The following CHERP variants were observed in gnomAD, a reference collection of about 807,000 sequenced individuals.
The protein encoded by CHERP is ERPROT 213-21.
CHERP carries 8 observed loss-of-function variants against 113.8 expected under a neutral mutation model. That is an observed-to-expected ratio of 0.07 (90% CI 0.04 to 0.13). CHERP has a LOEUF of 0.13. Among genes scored for constraint, CHERP ranks in the 10% least tolerant of loss-of-function variants. The pLI is 1.00. For synonymous variants in CHERP, 559 were observed against 524.5 expected, an observed-to-expected ratio of 1.07 and a Z score of -0.90; for missense variants, 884 against 1,298.2, an observed-to-expected ratio of 0.68 and a Z score of 4.90.
chr19:16,528,053 GCT>G, intron 9 of CHERP, 25 bp downstream of exon 9: 1 of 1,610,166 alleles, frequency 6.2e-7, no homozygotes, highest in Non-Finnish European at 8.5e-7. Flanking sequence ...TGCCCCATCT[GCT>G]CCCACCCCAG....
rs2085604251 is a variant in CHERP, at chr19:16,520,652, CTAAA to C, written c.2202-149_2202-146del. 5 of 1,180,868 alleles carry C rather than the reference CTAAA, an allele frequency of 4.2e-6. No homozygotes were observed. The highest frequency in any genetic ancestry group is 3.9e-5 in the Admixed American group (2 of 51,336). The allele number at this position is 1,180,868 out of a possible 1,614,324, so 73.1% of individuals were successfully genotyped here. A position where few individuals can be genotyped will look rare whatever the true frequency, so the allele number is the denominator to read the frequency against. On this transcript the variant is annotated intron_variant, in intron 13 of 16. Coordinates refer to ENST00000546361, the MANE Select transcript of CHERP (RefSeq NM_006387.6). The surrounding 1 kb of genome is among the most constrained non-coding windows in gnomAD (Gnocchi z 4.0). Reference sequence around the variant, plus strand: ...TAGCCACAGCAACGGTACCAAGTTCCTAAATAGTGTGGCCGAGCCTGCTGCTGTG... The same window carrying C: ...TAGCCACAGCAACGGTACCAAGTTCCTAGTGTGGCCGAGCCTGCTGCTGTG...
chr19:16,542,367 C>T lies in CHERP; in HGVS notation c.12G>A (p.Pro4=), dbSNP rs1022445204. MEM[P]LPPDDQELRN... is the part of the protein sequence containing the mutation. ...TTTGGGTCTCACCATCGGGGGGCAG[C>T]GGCATCTCCATGGCTCCGGCCGCGG... is the stretch of plus-strand genomic sequence containing the variant. The change falls in exon 1 of 17, where the codon CCG becomes CCA. Residue 4 remains proline, a synonymous_variant. Coordinates refer to ENST00000546361, the MANE Select transcript of CHERP (RefSeq NM_006387.6). 7.2e-7 allele frequency: 1 copy of T among 1,389,732 alleles called. No individual in the cohort carries two copies. Among genetic ancestry groups the T allele is most frequent in the Non-Finnish European group, 9.4e-7 (1 of 1,065,176 alleles). The allele number at this position is 1,389,732 out of a possible 1,614,324, so 86.1% of individuals were successfully genotyped here.
chr19:16,540,450 G>A (rs113012794), intron 2 of CHERP, among the ~76,000 whole-genome samples: 113 of 149,904 alleles, frequency 7.5e-4, no homozygotes, highest in African/African-American at 2.7e-3. Context: ...TCGGCTCAAT[G>A]CAACCTCCAG....
chr19:16,534,986 G>C (rs2085731383), intron 3 of CHERP, among the ~76,000 whole-genome samples: 1 of 152,044 alleles, frequency 6.6e-6, no homozygotes, highest in Non-Finnish European at 1.5e-5. Context: ...TGAGGCAGGA[G>C]AATCGTTTGA....
At chr19:16,542,263 C>T (rs919776362) in intron 1 of CHERP, 91 bp downstream of exon 1, 5 of 1,231,620 alleles carry the variant, frequency 4.1e-6, no homozygotes, top group Non-Finnish European at 5.4e-6. Flanking sequence ...AGCCCCGCCC[C>T]CTCCCAGACC....
rs1341558172 is a variant in CHERP at position 16,532,941 on chromosome 19, G to A, written c.522+70C>T. 36 of 1,540,148 alleles carry A rather than the reference G, an allele frequency of 2.3e-5. No homozygotes were observed. The highest frequency in any genetic ancestry group is 2.7e-5 in the Non-Finnish European group (31 of 1,139,338). On this transcript the variant is annotated intron_variant, in intron 4 of 16. Coordinates refer to ENST00000546361, the MANE Select transcript of CHERP (RefSeq NM_006387.6). The surrounding 1 kb of genome is among the most constrained non-coding windows in gnomAD (Gnocchi z 4.4). ...ATTGTAACAGCCCTTAGCCCAGATT[G>A]GCTACGACAGGCCCTGCCTCAGGGA...
chr19:16,539,515 C>T (rs376438099), intron 2 of CHERP, among the ~76,000 whole-genome samples: 5 of 152,084 alleles, frequency 3.3e-5, no homozygotes. Context: ...TAAGCACATA[C>T]AATATTTTGC....
At position 16,525,485 on chromosome 19, in the gene CHERP, G is replaced by GCTGGCTGTTCCAGGGGCCCTCGAA. The variant is rs1455252180; in HGVS notation, c.1474_1497dup (p.Phe492_Gln499dup). 2 of 1,553,518 alleles carry GCTGGCTGTTCCAGGGGCCCTCGAA rather than the reference G, an allele frequency of 1.3e-6. No individual in the cohort carries two copies. The highest frequency in any genetic ancestry group is 1.7e-6 in the Non-Finnish European group (2 of 1,150,470). On this transcript the variant is annotated inframe_insertion, in exon 10 of 17. Transcript: ENST00000546361. The surrounding 1 kb of genome is among the most constrained non-coding windows in gnomAD (Gnocchi z 6.5). Reference sequence around the variant, plus strand: ...CCCCCGCCCCAGGGCGGCTGCTCGTGCTGGCTGTTCCAGGGGCCCTCGAAC... The same window carrying GCTGGCTGTTCCAGGGGCCCTCGAA: ...CCCCCGCCCCAGGGCGGCTGCTCGTGCTGGCTGTTCCAGGGGCCCTCGAACTGGCTGTTCCAGGGGCCCTCGAAC...
chr19:16,530,635 A>C lies in CHERP; in HGVS notation c.826T>G (p.Ser276Ala). 6.2e-7 allele frequency: 1 copy of C among 1,613,968 alleles called. No individual in the cohort carries two copies. The highest frequency in any genetic ancestry group is 8.5e-7 in the Non-Finnish European group (1 of 1,179,910). The change falls in exon 7 of 17, where the codon TCC becomes GCC. Residue 276 changes from serine to alanine, a missense_variant. This residue lies in a region of CHERP where 73 missense variants were observed against 182.4 expected (regional missense o/e 0.40). Transcript: ENST00000546361. This position sits in a 1 kb window ranked among gnomAD's most constrained non-coding sequence, Gnocchi z 4.1. The part of the protein sequence containing the change: ...LWEKNGYFDD[S>A]IIQQLQSPAL... ...GGGCTCTGTAGCTGCTGAATGATGG[A>C]GTCATCGAAGTAGCCGTTTTTCTCC...
intron 3 of CHERP, among the ~76,000 whole-genome samples, chr19:16,534,890 A>G (rs2085730698): frequency 6.6e-6 from 1 of 151,998 alleles, no homozygotes; most frequent in African/African-American, 2.4e-5. Context: ...AGCCTGGCCA[A>G]CCTGGTGAAA....
chr19:16,542,353 C>G lies in CHERP; in HGVS notation c.25+1G>C. ...GGTCTCTCGGCCGGTTTGGGTCTCA[C>G]CATCGGGGGGCAGCGGCATCTCCAT... On this transcript the variant is annotated splice_donor_variant, in intron 1 of 16. Coordinates refer to ENST00000546361, the MANE Select transcript of CHERP (RefSeq NM_006387.6). LOFTEE classifies it high-confidence loss of function. 1 of 1,402,676 alleles carries G rather than the reference C, an allele frequency of 7.1e-7. No individual in the cohort carries two copies. The highest frequency in any genetic ancestry group is 9.3e-7 in the Non-Finnish European group (1 of 1,072,672). The allele number at this position is 1,402,676 out of a possible 1,614,324, so 86.9% of individuals were successfully genotyped here.
Position 16,525,390 on chromosome 19 carries a change from C to T in CHERP, c.1593G>A (p.Gln531=). The T allele has an allele frequency of 6.7e-7, 1 of 1,502,274 alleles. No homozygotes were observed. Among genetic ancestry groups the T allele is most frequent in the Non-Finnish European group, 8.9e-7 (1 of 1,125,552 alleles). 93.1% of individuals were successfully genotyped at this position (1,502,274 alleles called of 1,614,324 possible). A position where few individuals can be genotyped will look rare whatever the true frequency, so the allele number is the denominator to read the frequency against. The change falls in exon 10 of 17, where the codon CAG becomes CAA. Residue 531 remains glutamine (Q), a synonymous_variant. Coordinates refer to ENST00000546361, the MANE Select transcript of CHERP (RefSeq NM_006387.6). This position sits in a 1 kb window ranked among gnomAD's most constrained non-coding sequence, Gnocchi z 6.5. ...GCGGAGGCTGGTTGAACTGCGGGTG[C>T]TGCTGGTGGGGCGGGAAGGGCCCCC... is the stretch of plus-strand genomic sequence containing the variant. ...HFRGPFPPHQ[Q]HPQFNQPPHP...
At position 16,525,223 on chromosome 19, in the gene CHERP, C is replaced by A; in HGVS notation, c.1741+19G>T. The A allele has an allele frequency of 7.1e-7, 1 of 1,410,362 alleles. No homozygotes were observed. The highest frequency in any genetic ancestry group is 9.2e-7 in the Non-Finnish European group (1 of 1,081,836). 87.4% of individuals were successfully genotyped at this position (1,410,362 alleles called of 1,614,324 possible). ...GTGGATGCCTCCGCCAGGCCCTACC[C>A]AGGCGCCCGTACACTCACCGGCAGG... is the stretch of plus-strand genomic sequence containing the variant. On this transcript the variant is annotated intron_variant, in intron 10 of 16. Transcript: ENST00000546361. The surrounding 1 kb of genome is among the most constrained non-coding windows in gnomAD (Gnocchi z 6.5).
At position 16,530,687 on chromosome 19, in the gene CHERP, GGAGA is replaced by G. The variant is rs749422815; in HGVS notation, c.787-17_787-14del. Reference sequence around the variant, plus strand: ...AGAGCTGCAGGAGCTGGCGGTGGGAGGAGAGAGAGGCCGGGTCAGTGGGGAGGGG... The same window carrying G: ...AGAGCTGCAGGAGCTGGCGGTGGGAGGAGAGGCCGGGTCAGTGGGGAGGGG... On this transcript the variant is annotated splice_polypyrimidine_tract_variant and intron_variant, in intron 6 of 16. Transcript: ENST00000546361. The surrounding 1 kb of genome is among the most constrained non-coding windows in gnomAD (Gnocchi z 4.1). The G allele has an allele frequency of 7.4e-6, 12 of 1,614,064 alleles. 1 individual carries two copies. In the South Asian group the frequency reaches 1.2e-4, roughly 16 times the overall value.
chr19:16,531,224 T>C (rs1233394247), intron 5 of CHERP, among the ~76,000 whole-genome samples: 12 of 152,162 alleles, frequency 7.9e-5, no homozygotes, highest in Non-Finnish European at 1.2e-4. Context: ...CCCCTGCCTG[T>C]GTATGATGGG....
In CHERP at chr19:16,535,500, G is replaced by A. The variant is rs1389863245; in HGVS notation, c.336C>T (p.Ser112=). ...GCTCCTGCTGCTGGAGGTTCCACTGGCTCTGCTGGATGAGCTCGTCCATGG... is the reference window on the plus strand; with the variant it reads ...GCTCCTGCTGCTGGAGGTTCCACTGACTCTGCTGGATGAGCTCGTCCATGG... ...APSMDELIQQ[S]QWNLQQQEQH... Residue 112 remains serine (S), a synonymous_variant, in exon 3 of 17, where the codon AGC becomes AGT. Coordinates refer to ENST00000546361, the MANE Select transcript of CHERP (RefSeq NM_006387.6). The surrounding 1 kb of genome is among the most constrained non-coding windows in gnomAD (Gnocchi z 4.3). The A allele has an allele frequency of 1.2e-6, 2 of 1,609,434 alleles. No homozygotes were observed. Among genetic ancestry groups the A allele is most frequent in the Non-Finnish European group, 1.7e-6 (2 of 1,178,056 alleles).
At position 16,532,840 on chromosome 19, in the gene CHERP, G is replaced by T; in HGVS notation, c.523-91C>A. 6.4e-7 allele frequency: 1 copy of T among 1,555,994 alleles called. No homozygotes were observed. Among genetic ancestry groups the T allele is most frequent in the East Asian group, 2.3e-5 (1 of 44,184 alleles). On this transcript the variant is annotated intron_variant, in intron 4 of 16. Coordinates refer to ENST00000546361, the MANE Select transcript of CHERP (RefSeq NM_006387.6). This position sits in a 1 kb window ranked among gnomAD's most constrained non-coding sequence, Gnocchi z 4.4. ...TGAGAGCGCGTCACCATCAGCTCAG[G>T]GAAGGACACACCATGAGCGTGGGGG... is the stretch of plus-strand genomic sequence containing the variant.
intron 9 of CHERP, among the ~76,000 whole-genome samples, chr19:16,527,161 G>C (rs1338127704): frequency 6.6e-6 from 1 of 152,104 alleles, no homozygotes; most frequent in Admixed American, 6.6e-5. Flanking sequence ...CAACCCTCTG[G>C]TCTGCAAAAA....
At position 16,526,560 on chromosome 19, in the gene CHERP, C is replaced by T. The variant is rs183702781; in HGVS notation, c.1306-883G>A. ...TTGGCTCACTGCAACTTCCACCTCC[C>T]GGGTTCAGGTGATTCTCCTGCCTCA... is the stretch of plus-strand genomic sequence containing the variant. On this transcript the variant is annotated intron_variant, in intron 9 of 16. Coordinates refer to ENST00000546361, the MANE Select transcript of CHERP (RefSeq NM_006387.6). Among the ~76,000 whole-genome samples the T allele has an allele frequency of 4.9e-3, 737 of 151,842 alleles. 6 individuals carry two copies. Among genetic ancestry groups the T allele is most frequent in the Non-Finnish European group, 6.2e-3 (419 of 67,894 alleles).
Sources: allele counts gnomAD v4.1 joint callset (sites outside exome capture counted in the v4.1 genomes callset), GRCh38; gene constraint gnomAD v4.1.1; regional missense constraint gnomAD v4.1.1; non-coding constraint Gnocchi (gnomAD v3.1); transcripts MANE v1.5; gene names NCBI Gene and HGNC (gene_info 2026-07-23, HGNC 2026-07-21).